CALCR: variants seen among roughly 807,000 people sequenced by gnomAD.
CALCR encodes the protein calcitonin receptor.
In CALCR, 47 loss-of-function variants were observed where a neutral mutation model predicts 59.5. That is an observed-to-expected ratio of 0.79 (90% CI 0.63 to 1.01). The LOEUF (loss-of-function observed/expected upper bound fraction) is 1.01, where lower values mean the gene tolerates loss of function less well. CALCR is among the 50% of genes least tolerant of loss of function. CALCR has a pLI of 0.00. For synonymous variants in CALCR, 213 were observed against 211.3 expected, an observed-to-expected ratio of 1.01 and a Z score of -0.07; for missense variants, 566 against 597.1, an observed-to-expected ratio of 0.95 and a Z score of 0.54.
At chr7:93,477,118 G>T (rs1211188941) in intron 5 of CALCR, among the ~76,000 whole-genome samples, 4 of 151,742 alleles carry the variant, frequency 2.6e-5, no homozygotes, top group Non-Finnish European at 5.9e-5. Flanking sequence ...ACCCCTGTAG[G>T]CTCAGGCTCA....
chr7:93,509,809 C>T (rs1801505511), intron 2 of CALCR, among the ~76,000 whole-genome samples: 3 of 151,956 alleles, frequency 2.0e-5, no homozygotes, highest in Admixed American at 6.6e-5. Context: ...AATCTAAATA[C>T]AGAACTGAAA....
intron 2 of CALCR, among the ~76,000 whole-genome samples, chr7:93,519,051 T>C (rs1801704325): frequency 6.6e-6 from 1 of 152,024 alleles, no homozygotes; most frequent in African/African-American, 2.4e-5. Flanking sequence ...AACTGAGTAG[T>C]GAATTATGCT....
intron 2 of CALCR, among the ~76,000 whole-genome samples, chr7:93,540,735 TATA>T (rs199623525): frequency 0.14 from 9,832 of 68,356 alleles, 344 homozygotes; most frequent in Non-Finnish European, 0.22. Context: ...ATTTATATTA[TATA>T]ATATTATATT....
intron 7 of CALCR, among the ~76,000 whole-genome samples, chr7:93,466,416 T>A (rs1010778930): frequency 8.5e-5 from 13 of 152,062 alleles, no homozygotes; most frequent in Admixed American, 1.3e-4. Context: ...AGGGTTAGGA[T>A]CATACTTAAA....
chr7:93,501,518 T>A (rs1801321413), intron 2 of CALCR, among the ~76,000 whole-genome samples: 1 of 152,026 alleles, frequency 6.6e-6, no homozygotes, highest in Non-Finnish European at 1.5e-5. Flanking sequence ...CTAATGTGAT[T>A]TTGTTTGGGG....
intron 8 of CALCR, among the ~76,000 whole-genome samples, chr7:93,447,913 C>A (rs1014520102): frequency 6.6e-6 from 1 of 151,916 alleles, no homozygotes; most frequent in Non-Finnish European, 1.5e-5. Context: ...GCTGGGGGAT[C>A]ACAGAGAATG....
In CALCR at chr7:93,462,364, A is replaced by G. The variant is rs185901753; in HGVS notation, c.522-1417T>C. ...TGTGGACTACTCTATTCAGCAGTAC[A>G]GAAGTCTGTTAAATAAATCAAACCC... On this transcript the variant is annotated intron_variant, in intron 7 of 13. Transcript: ENST00000426151. Among the ~76,000 whole-genome samples the G allele has an allele frequency of 3.9e-5, 6 of 152,258 alleles. No individual in the cohort carries two copies. The East Asian group carries it at 1.2e-3, about 29-fold the overall frequency.
intron 2 of CALCR, among the ~76,000 whole-genome samples, chr7:93,567,054 G>A (rs1287075895): frequency 6.6e-6 from 1 of 152,186 alleles, no homozygotes; most frequent in African/African-American, 2.4e-5. Flanking sequence ...AGAGGGCAGA[G>A]GGCTGTTGGG....
At chr7:93,465,492 C>T (rs1800421758) in intron 7 of CALCR, among the ~76,000 whole-genome samples, 1 of 151,914 alleles carries the variant, frequency 6.6e-6, no homozygotes, top group Non-Finnish European at 1.5e-5. Flanking sequence ...TAAATACCAT[C>T]CTAATAATGC....
At chr7:93,465,981 T>C (rs903216185) in intron 7 of CALCR, among the ~76,000 whole-genome samples, 19 of 151,746 alleles carry the variant, frequency 1.3e-4, no homozygotes, top group African/African-American at 4.4e-4. Flanking sequence ...GTTCCTCCTT[T>C]TTATGAGACA....
intron 3 of CALCR, among the ~76,000 whole-genome samples, chr7:93,486,447 T>A (rs1178030857): frequency 6.6e-6 from 1 of 151,510 alleles, no homozygotes; most frequent in Admixed American, 6.6e-5. Context: ...CATAGTCAGT[T>A]TTTGATGAAA....
At chr7:93,545,373 C>T (rs1297750794) in intron 2 of CALCR, among the ~76,000 whole-genome samples, 1 of 152,116 alleles carries the variant, frequency 6.6e-6, no homozygotes, top group Non-Finnish European at 1.5e-5. Flanking sequence ...AGTGTAATTT[C>T]TGCCTCTAGA....
chr7:93,434,116 A>C (rs969756945), intron 13 of CALCR, 137 bp downstream of exon 13: 1 of 698,810 alleles, frequency 1.4e-6, no homozygotes, highest in Admixed American at 2.1e-5. Context: ...AGTGGAAAAA[A>C]CATCATGTTG....
intron 2 of CALCR, among the ~76,000 whole-genome samples, chr7:93,487,613 G>T (rs148374908): frequency 6.6e-6 from 1 of 151,400 alleles, no homozygotes; most frequent in East Asian, 1.9e-4. Flanking sequence ...ATCCAAACAG[G>T]CTGCTTAGTC....
intron 8 of CALCR, among the ~76,000 whole-genome samples, chr7:93,450,262 T>A (rs1366529518): frequency 6.6e-6 from 1 of 152,032 alleles, no homozygotes; most frequent in African/African-American, 2.4e-5. Flanking sequence ...TGTTCTGTTT[T>A]CTCTGTCAGA....
At chr7:93,438,506 C>T (rs774403233) in intron 9 of CALCR, among the ~76,000 whole-genome samples, 5 of 152,136 alleles carry the variant, frequency 3.3e-5, no homozygotes, top group African/African-American at 1.2e-4. Flanking sequence ...TAATTAAAAG[C>T]CTTTTACAAA....
intron 2 of CALCR, among the ~76,000 whole-genome samples, chr7:93,527,332 TTA>T (rs1170536763): frequency 1.3e-5 from 2 of 151,786 alleles, no homozygotes; most frequent in Admixed American, 6.6e-5. Context: ...GTAATACATA[TTA>T]TATGTTATTC....
chr7:93,467,535 A>G (rs997188202), intron 7 of CALCR, among the ~76,000 whole-genome samples: 1 of 151,756 alleles, frequency 6.6e-6, no homozygotes, highest in African/African-American at 2.4e-5. Context: ...TATTTTAACA[A>G]AAATCAAATT....
chr7:93,480,006 C>T (rs1308101365), intron 3 of CALCR, among the ~76,000 whole-genome samples: 1 of 151,840 alleles, frequency 6.6e-6, no homozygotes, highest in African/African-American at 2.4e-5. Context: ...CCATCTATTC[C>T]ATGGAACAAA....
Sources: gnomAD v4.1 joint callset for allele counts (sites outside exome capture counted in the v4.1 genomes callset) on GRCh38, gnomAD v4.1.1 for gene constraint, MANE v1.5 for transcripts, NCBI Gene and HGNC (gene_info 2026-07-23, HGNC 2026-07-21) for gene names.